Variants in TNRC18 observed in about 807,000 individuals in gnomAD.
The protein encoded by TNRC18 is trinucleotide repeat-containing gene 18 protein.
TNRC18 carries 69 observed loss-of-function variants against 226.7 expected under a neutral mutation model. The ratio of observed to expected loss-of-function variants is 0.30; its 90% CI spans 0.25 to 0.37. TNRC18 has a LOEUF of 0.37. Ranked by LOEUF, TNRC18 falls within the 10% of genes least tolerant of loss-of-function variation. TNRC18 has a pLI of 1.00. For missense variants in TNRC18, 4,754 were observed against 4,256.6 expected (o/e 1.12, Z -3.25); for synonymous variants, 2,449 against 1,927.6 (o/e 1.27, Z -7.09).
At chr7:5,420,842 A>G (rs775299958) in intron 2 of TNRC18, 81 of 729,278 alleles carry the variant, frequency 1.1e-4, no homozygotes, top group Non-Finnish European at 1.8e-4. Flanking sequence ...CACGAGGGCC[A>G]AGCACGCTAC....
At position 5,375,685 on chromosome 7, in the gene TNRC18, G is replaced by A. The variant is rs561576573; in HGVS notation, c.2799+349C>T. On this transcript the variant is annotated intron_variant, in intron 9 of 29. Coordinates refer to ENST00000430969, the MANE Select transcript of TNRC18 (RefSeq NM_001080495.3). ...AGGCCACCTGGAGAGAAGAGGCCAG[G>A]CTGGGCTCAGGCAACAGCGGGAGCC... 1.2e-4 allele frequency among the ~76,000 whole-genome samples: 18 copies of A among 152,222 alleles called. 2 individuals are homozygous for A. Among genetic ancestry groups the A allele is most frequent in the African/African-American group, 3.4e-4 (14 of 41,534 alleles).
At chr7:5,348,968 G>A (rs2128142993) in intron 17 of TNRC18, among the ~76,000 whole-genome samples, 1 of 95,306 alleles carries the variant, frequency 1.0e-5, no homozygotes, top group African/African-American at 3.9e-5. Context: ...CAGGGGGCTG[G>A]TTGTGGGGTG....
chr7:5,388,374 C>A lies in TNRC18; in HGVS notation c.1450G>T (p.Gly484Cys). The change falls in exon 5 of 30, where the codon GGT becomes TGT. Residue 484 changes from glycine (G) to cysteine (C), a missense_variant. Gly to Cys is a radical substitution (Grantham distance 159). Coordinates refer to ENST00000430969, the MANE Select transcript of TNRC18 (RefSeq NM_001080495.3). The stretch of plus-strand genomic sequence containing the variant: ...TTGGCGGCCTGTTGGGCTGCAGGAC[C>A]GGCTGGGCCGCGGGGCGCACGCTCG... ...PCERAPRGPAGPAAQQAAKLF... is the reference protein window; with the variant it reads ...PCERAPRGPACPAAQQAAKLF... The A allele has an allele frequency of 6.5e-7, 1 of 1,545,182 alleles. No individual in the cohort carries two copies. Among genetic ancestry groups the A allele is most frequent in the African/African-American group, 1.4e-5 (1 of 71,670 alleles).
chr7:5,353,256 G>A (rs1007127305), intron 16 of TNRC18, among the ~76,000 whole-genome samples: 2 of 152,220 alleles, frequency 1.3e-5, no homozygotes, highest in Non-Finnish European at 2.9e-5. Flanking sequence ...CCACAGGGAG[G>A]TCGGGTGCAA....
intron 2 of TNRC18, among the ~76,000 whole-genome samples, chr7:5,406,640 C>T (rs989237285): frequency 2.0e-5 from 3 of 151,990 alleles, no homozygotes; most frequent in African/African-American, 7.2e-5. Flanking sequence ...CACCTGAAGT[C>T]AGGAGTTCGA....
At chr7:5,404,870 T>A (rs1781360466) in intron 2 of TNRC18, among the ~76,000 whole-genome samples, 1 of 151,422 alleles carries the variant, frequency 6.6e-6, no homozygotes, top group Non-Finnish European at 1.5e-5. Flanking sequence ...TCCTAGCACT[T>A]TGGGAGGCCG....
At chr7:5,387,533 G>T (rs181453125) in intron 5 of TNRC18, 139 bp downstream of exon 5, 4 of 1,248,108 alleles carry the variant, frequency 3.2e-6, no homozygotes, top group East Asian at 2.4e-5. Context: ...GCTCGCAACA[G>T]AACATTCAAG....
intron 2 of TNRC18, among the ~76,000 whole-genome samples, chr7:5,415,780 A>G (rs1394221829): frequency 6.6e-6 from 1 of 151,866 alleles, no homozygotes; most frequent in African/African-American, 2.4e-5. Flanking sequence ...AAAGTTGGCA[A>G]CTTTCACTGT....
In TNRC18 at chr7:5,306,890, CAAT is replaced by C; in HGVS notation, c.*1213_*1215del. 2.0e-5 allele frequency: 3 copies of C among 147,404 alleles called. No individual in the cohort carries two copies. The highest frequency in any genetic ancestry group is 6.8e-3 in the Middle Eastern group (2 of 294). The allele number at this position is 147,404 out of a possible 1,614,324, so 9.1% of individuals were successfully genotyped here. ...CCAAAAGAAACATAAAAAAAAAAAC[CAAT>C]AATTCCCCCAAAAAACAAACCCAAA... is the stretch of plus-strand genomic sequence containing the variant. On this transcript the variant is annotated 3_prime_UTR_variant, in exon 30 of 30. Coordinates refer to ENST00000430969, the MANE Select transcript of TNRC18 (RefSeq NM_001080495.3).
chr7:5,384,494 ACCCT>A (rs962332879), intron 5 of TNRC18, among the ~76,000 whole-genome samples: 2 of 150,746 alleles, frequency 1.3e-5, no homozygotes, highest in Admixed American at 6.6e-5. Flanking sequence ...CCTCTGGCAC[ACCCT>A]CCCTCCCTCC....
chr7:5,414,720 A>G (rs1356464766), intron 2 of TNRC18, among the ~76,000 whole-genome samples: 1 of 152,156 alleles, frequency 6.6e-6, no homozygotes, highest in Non-Finnish European at 1.5e-5. Flanking sequence ...CCCACATTTC[A>G]GTATTCTTAT....
intron 19 of TNRC18, among the ~76,000 whole-genome samples, chr7:5,330,900 C>T (rs1377737797): frequency 6.6e-6 from 1 of 152,202 alleles, no homozygotes; most frequent in East Asian, 1.9e-4. Flanking sequence ...GTCTCAAACT[C>T]CTGACCTCAA....
rs1283795937 is a variant in TNRC18 at position 5,306,977 on chromosome 7, T to C, written c.*1129A>G. On this transcript the variant is annotated 3_prime_UTR_variant, in exon 30 of 30. Coordinates refer to ENST00000430969, the MANE Select transcript of TNRC18 (RefSeq NM_001080495.3). ...TGAGGCCTTGGTTTCCCTTGAAGGC[T>C]TGGGGCCTGGTTAAGTGCTTTCTGG... is the stretch of plus-strand genomic sequence containing the variant. 6.6e-6 allele frequency: 1 copy of C among 151,410 alleles called. No homozygotes were observed. The highest frequency in any genetic ancestry group is 2.4e-5 in the African/African-American group (1 of 41,318). 9.4% of individuals were successfully genotyped at this position (151,410 alleles called of 1,614,324 possible). A position where few individuals can be genotyped will look rare whatever the true frequency, so the allele number is the denominator to read the frequency against.
chr7:5,356,884 G>A lies in TNRC18; in HGVS notation c.5194+32C>T, dbSNP rs184216841. 24 of 1,491,150 alleles carry A rather than the reference G, an allele frequency of 1.6e-5. No individual in the cohort carries two copies. The African/African-American group carries it at 2.1e-4, about 13-fold the overall frequency. 92.4% of individuals were successfully genotyped at this position (1,491,150 alleles called of 1,614,324 possible). A position where few individuals can be genotyped will look rare whatever the true frequency, so the allele number is the denominator to read the frequency against. ...GAGGGGAGAAAAGGAGAGAAGCAGC[G>A]GACCAGAGGTGGCGCGGCATACGCT... On this transcript the variant is annotated intron_variant, in intron 16 of 29. Transcript: ENST00000430969.
chr7:5,311,777 C>T (rs1034236897), intron 27 of TNRC18, among the ~76,000 whole-genome samples: 5 of 151,686 alleles, frequency 3.3e-5, no homozygotes, highest in Admixed American at 6.6e-5. Flanking sequence ...ACGATGGCAC[C>T]GCTGCACTCC....
rs1788247238 is a variant in TNRC18, at chr7:5,320,533, G to A, written c.6635C>T (p.Ala2212Val). ...GAGGCCCCGCCCCTCCCCCCTCACC[G>A]CCTCCTGCAGCAACTGCTCCAGACA... ...IYCLEQLLQE[A>V]IIDVRPASTR... Residue 2212 changes from alanine to valine, a missense_variant and splice_region_variant, in exon 23 of 30, where the codon GCG becomes GTG. Transcript: ENST00000430969. The A allele has an allele frequency of 1.3e-6, 2 of 1,492,928 alleles. No homozygotes were observed. The allele number at this position is 1,492,928 out of a possible 1,614,324, so 92.5% of individuals were successfully genotyped here. A position where few individuals can be genotyped will look rare whatever the true frequency, so the allele number is the denominator to read the frequency against.
At chr7:5,351,789 G>A (rs753971463) in intron 17 of TNRC18, 30 bp downstream of exon 17, 7 of 1,543,978 alleles carry the variant, frequency 4.5e-6, no homozygotes, top group African/African-American at 2.8e-5. Context: ...TAGGAAACAC[G>A]GAAGGTATTT....
chr7:5,388,608 T>G lies in TNRC18; in HGVS notation c.1216A>C (p.Arg406=), dbSNP rs1584027873. ...DARAREREAG[R]PGVLQAPPGS... is the part of the protein sequence containing the mutation. ...GGGGGCGCCTGCAGGACCCCTGGCC[T>G]GCCAGCCTCGCGCTCGCGGGCCCGG... Residue 406 remains arginine, a synonymous_variant, in exon 5 of 30, where the codon AGG becomes CGG. Coordinates refer to ENST00000430969, the MANE Select transcript of TNRC18 (RefSeq NM_001080495.3). 4.6e-6 allele frequency: 6 copies of G among 1,293,320 alleles called. No individual in the cohort carries two copies. In the African/African-American group the frequency reaches 7.9e-5, roughly 17 times the overall value. The allele number at this position is 1,293,320 out of a possible 1,614,324, so 80.1% of individuals were successfully genotyped here. A position where few individuals can be genotyped will look rare whatever the true frequency, so the allele number is the denominator to read the frequency against.
chr7:5,363,715 G>T (rs978521011), intron 11 of TNRC18, among the ~76,000 whole-genome samples: 1 of 152,124 alleles, frequency 6.6e-6, no homozygotes, highest in East Asian at 1.9e-4. Flanking sequence ...CAGAGGGAGG[G>T]CCTCCAAAGA....
Sources: allele counts gnomAD v4.1 joint callset (sites outside exome capture counted in the v4.1 genomes callset), GRCh38; gene constraint gnomAD v4.1.1; transcripts MANE v1.5; gene names NCBI Gene and HGNC (gene_info 2026-07-23, HGNC 2026-07-21).